The following THSD7B variants were observed in gnomAD, a reference collection of about 807,000 sequenced individuals.
The protein encoded by THSD7B is thrombospondin type 1 domain containing 7B.
Under a neutral mutation model 213.6 loss-of-function variants are expected in THSD7B, and 138 were observed. The ratio of observed to expected loss-of-function variants is 0.65; its 90% CI spans 0.56 to 0.74. THSD7B has a LOEUF of 0.74. Ranked by LOEUF, THSD7B falls within the 30% of genes least tolerant of loss-of-function variation. THSD7B has a pLI of 0.00. For missense variants in THSD7B, 1,931 were observed against 1,991.5 expected (o/e 0.97, Z 0.58); for synonymous variants, 742 against 687.0 (o/e 1.08, Z -1.25).
rs566379449 is a variant in THSD7B at position 137,150,071 on chromosome 2, T to A, written c.1370-10142T>A. On this transcript the variant is annotated intron_variant, in intron 5 of 27. Transcript: ENST00000409968. ...AGCCTGACCAACATGGAGAAAACACTGTCTCTACTAAAAATACAAAACTAG... is the reference window on the plus strand; with the variant it reads ...AGCCTGACCAACATGGAGAAAACACAGTCTCTACTAAAAATACAAAACTAG... Among the ~76,000 whole-genome samples, 13 of 151,948 alleles carry A rather than the reference T, an allele frequency of 8.6e-5. No individual in the cohort carries two copies. The South Asian group carries it at 2.7e-3, about 32-fold the overall frequency.
At chr2:137,453,210 C>T (rs367928416) in intron 15 of THSD7B, among the ~76,000 whole-genome samples, 8 of 151,028 alleles carry the variant, frequency 5.3e-5, no homozygotes, top group African/African-American at 9.7e-5. Flanking sequence ...TGACAATATG[C>T]GGGGTACAAA....
chr2:137,128,170 A>G (rs1163603336), intron 5 of THSD7B, among the ~76,000 whole-genome samples: 1 of 152,262 alleles, frequency 6.6e-6, no homozygotes, highest in South Asian at 2.1e-4. Context: ...GCTAGTTAGG[A>G]TATACTATCA....
chr2:137,221,083 G>A (rs957753295), intron 7 of THSD7B, among the ~76,000 whole-genome samples: 2 of 152,184 alleles, frequency 1.3e-5, no homozygotes, highest in Admixed American at 1.3e-4. Context: ...GGCGGATCAC[G>A]AGGTCAGGAG....
chr2:137,162,020 A>G (rs1680028433), intron 6 of THSD7B, among the ~76,000 whole-genome samples: 1 of 152,144 alleles, frequency 6.6e-6, no homozygotes, highest in South Asian at 2.1e-4. Context: ...ACCACATCAG[A>G]CCAAGTAGAT....
chr2:137,011,543 G>A lies in THSD7B; in HGVS notation c.140-44877G>A, dbSNP rs143967309. Among the ~76,000 whole-genome samples the A allele has an allele frequency of 1.6e-3, 244 of 152,086 alleles. 2 individuals carry two copies. The highest frequency in any genetic ancestry group is 4.6e-3 in the South Asian group (22 of 4,816). On this transcript the variant is annotated intron_variant, in intron 2 of 27. Coordinates refer to ENST00000409968, the MANE Select transcript of THSD7B (RefSeq NM_001316349.2). ...GTTGTAACAAGAAAAAATGTCCCCC[G>A]ACATTGCCAAATGTCTCTTGGGGAC...
In THSD7B at chr2:137,179,654, T is replaced by C. The variant is rs144029467; in HGVS notation, c.1723+8716T>C. 4.7e-3 allele frequency among the ~76,000 whole-genome samples: 711 copies of C among 152,232 alleles called. 5 individuals carry two copies. The highest frequency in any genetic ancestry group is 0.014 in the African/African-American group (579 of 41,560). On this transcript the variant is annotated intron_variant, in intron 7 of 27. Coordinates refer to ENST00000409968, the MANE Select transcript of THSD7B (RefSeq NM_001316349.2). Reference sequence around the variant, plus strand: ...TTTTACTTAATCTTATAATCAAATATTTTTTGAATTACTAAATTAATGTAT... The same window carrying C: ...TTTTACTTAATCTTATAATCAAATACTTTTTGAATTACTAAATTAATGTAT...
At chr2:137,009,173 CTCTT>C (rs1367059777) in intron 2 of THSD7B, among the ~76,000 whole-genome samples, 1 of 152,148 alleles carries the variant, frequency 6.6e-6, no homozygotes, top group East Asian at 1.9e-4. Context: ...CCTCTGGTGA[CTCTT>C]TCAGGAGTTG....
intron 2 of THSD7B, among the ~76,000 whole-genome samples, chr2:137,006,168 C>T (rs1686104604): frequency 6.6e-6 from 1 of 152,022 alleles, no homozygotes; most frequent in African/African-American, 2.4e-5. Context: ...CCGAGGCGGG[C>T]AGATCACGAG....
At chr2:137,377,876 C>T (rs1457142985) in intron 12 of THSD7B, among the ~76,000 whole-genome samples, 1 of 152,156 alleles carries the variant, frequency 6.6e-6, no homozygotes. Flanking sequence ...CCACCCGCCT[C>T]AGCCTCCCGA....
chr2:137,572,663 G>A (rs548974249), intron 17 of THSD7B, 107 bp downstream of exon 17: 12 of 1,240,360 alleles, frequency 9.7e-6, no homozygotes, highest in Middle Eastern at 2.1e-4. Context: ...TAGTAACATG[G>A]GAAAATAATT....
At chr2:137,316,456 C>A (rs191096138) in intron 12 of THSD7B, among the ~76,000 whole-genome samples, 2 of 152,286 alleles carry the variant, frequency 1.3e-5, no homozygotes, top group East Asian at 1.9e-4. Flanking sequence ...ACAAGTGAAT[C>A]ATCTAAATAA....
At chr2:137,089,148 T>C (rs943896304) in intron 3 of THSD7B, among the ~76,000 whole-genome samples, 8 of 151,582 alleles carry the variant, frequency 5.3e-5, no homozygotes, top group Non-Finnish European at 1.0e-4. Context: ...ATACGAAAAA[T>C]ATAGTTGCAC....
intron 14 of THSD7B, among the ~76,000 whole-genome samples, chr2:137,414,358 GA>G (rs151064504): frequency 3.8e-4 from 57 of 151,278 alleles, no homozygotes; most frequent in South Asian, 1.9e-3. Flanking sequence ...GTCTATCAAA[GA>G]AAAAAAAATC....
intron 16 of THSD7B, 149 bp from the exon 17 acceptor site, chr2:137,572,257 T>A (rs1681368843): frequency 1.1e-6 from 1 of 872,502 alleles, no homozygotes; most frequent in African/African-American, 1.7e-5. Context: ...CCTGACTGAC[T>A]AAAGGAGGAA....
intron 15 of THSD7B, among the ~76,000 whole-genome samples, chr2:137,558,151 C>T (rs1460364219): frequency 6.6e-6 from 1 of 152,152 alleles, no homozygotes; most frequent in Non-Finnish European, 1.5e-5. Flanking sequence ...GGAGCTGGTA[C>T]CATTCCTTCT....
At chr2:137,094,733 G>A (rs1688008550) in intron 3 of THSD7B, 140 bp from the exon 4 acceptor site, 1 of 1,004,600 alleles carries the variant, frequency 1.0e-6, no homozygotes, top group South Asian at 1.6e-5. Context: ...TTTTCATGAT[G>A]TCTCTAAAAT....
intron 1 of THSD7B, among the ~76,000 whole-genome samples, chr2:136,847,802 C>T (rs930845251): frequency 6.6e-6 from 1 of 152,162 alleles, no homozygotes; most frequent in African/African-American, 2.4e-5. Context: ...TTACCTTACA[C>T]ATTGGCAGGA....
chr2:137,643,294 T>C (rs150537438), intron 21 of THSD7B, among the ~76,000 whole-genome samples: 1 of 152,320 alleles, frequency 6.6e-6, no homozygotes, highest in Non-Finnish European at 1.5e-5. Flanking sequence ...CTTATCCTAG[T>C]AGTTTATCCT....
At position 137,471,974 on chromosome 2, in the gene THSD7B, A is replaced by G. The variant is rs530813310; in HGVS notation, c.3138+20951A>G. ...TCTCTATCAAAAATGATAATGTGAA[A>G]AATAATGTGGTGGGTTTTAAGAAAG... On this transcript the variant is annotated intron_variant, in intron 15 of 27. Transcript: ENST00000409968. Among the ~76,000 whole-genome samples the G allele has an allele frequency of 7.2e-5, 11 of 152,286 alleles. 1 individual carries two copies. The highest frequency in any genetic ancestry group is 2.6e-4 in the African/African-American group (11 of 41,572).
Sources: allele counts gnomAD v4.1 joint callset (sites outside exome capture counted in the v4.1 genomes callset), GRCh38; gene constraint gnomAD v4.1.1; transcripts MANE v1.5; gene names NCBI Gene and HGNC (gene_info 2026-07-23, HGNC 2026-07-21).